PAK3: variants seen among roughly 807,000 people sequenced by gnomAD.
PAK3 encodes serine/threonine-protein kinase PAK 3.
In PAK3, 4 loss-of-function variants were observed where a neutral mutation model predicts 41.0. That is an observed-to-expected ratio of 0.10 (90% CI 0.05 to 0.22). The LOEUF (loss-of-function observed/expected upper bound fraction) is 0.22, where lower values mean the gene tolerates loss of function less well. PAK3 is among the 10% of genes least tolerant of loss of function. The probability of loss-of-function intolerance (pLI) is 1.00; values close to 1 mark genes in which losing one functional copy is unlikely to be tolerated. For missense variants in PAK3, 205 were observed against 409.9 expected (o/e 0.50, Z 4.32); for synonymous variants, 146 against 139.6 (o/e 1.05, Z -0.32).
intron 1 of PAK3, among the ~76,000 whole-genome samples, chrX:110,952,529 A>C (rs759836093): frequency 6.3e-5 from 7 of 110,754 alleles, no homozygotes; most frequent in Non-Finnish European, 1.3e-4. Context: ...GTGCCTTTAA[A>C]GTGAAGCTTC....
intron 1 of PAK3, among the ~76,000 whole-genome samples, chrX:111,072,502 T>C (rs1603108013): frequency 8.9e-6 from 1 of 112,512 alleles, no homozygotes; most frequent in East Asian, 2.8e-4. Flanking sequence ...AGTTTGTAAT[T>C]ATTAATGGTG....
chrX:111,119,884 CA>C (rs1358638522), intron 4 of PAK3, among the ~76,000 whole-genome samples: 8 of 112,023 alleles, frequency 7.1e-5, no homozygotes, highest in African/African-American at 2.6e-4. Context: ...GTTAAAATAC[CA>C]AGGACCTCCT....
chrX:111,045,435 A>C (rs1602988170), intron 1 of PAK3, among the ~76,000 whole-genome samples: 1 of 112,072 alleles, frequency 8.9e-6, no homozygotes, highest in African/African-American at 3.2e-5. Context: ...ATAATTTAGC[A>C]TATGGTTATG....
At chrX:111,115,552 A>G (rs1315071968) in intron 4 of PAK3, among the ~76,000 whole-genome samples, 2 of 111,284 alleles carry the variant, frequency 1.8e-5, no homozygotes, top group Admixed American at 9.6e-5. Flanking sequence ...AATAGATGTT[A>G]TTTCCTCTTC....
chrX:111,085,513 T>G (rs773896484), intron 1 of PAK3, among the ~76,000 whole-genome samples: 1 of 112,244 alleles, frequency 8.9e-6, no homozygotes, highest in Non-Finnish European at 1.9e-5. Context: ...GAGTCTTGCT[T>G]TAAAGTATGA....
intron 5 of PAK3, among the ~76,000 whole-genome samples, chrX:111,126,979 G>A (rs1489783927): frequency 9.0e-6 from 1 of 110,776 alleles, no homozygotes; most frequent in African/African-American, 3.3e-5. Flanking sequence ...ATAAAGATAA[G>A]CATATAGAAA....
chrX:111,038,963 A>T (rs1233461070), intron 1 of PAK3, among the ~76,000 whole-genome samples: 1 of 111,592 alleles, frequency 9.0e-6, no homozygotes, highest in East Asian at 2.8e-4. Flanking sequence ...AAGTACCAAG[A>T]GAGGATTGGA....
chrX:111,147,650 G>C, intron 6 of PAK3, 87 bp from the exon 7 acceptor site: 1 of 655,642 alleles, frequency 1.5e-6, no homozygotes, highest in South Asian at 2.2e-5. Context: ...GGTAGCATGG[G>C]CTTCTTGGTG....
chrX:111,151,528 A>G (rs1379643893), intron 7 of PAK3, among the ~76,000 whole-genome samples: 1 of 111,992 alleles, frequency 8.9e-6, no homozygotes, highest in African/African-American at 3.2e-5. Flanking sequence ...GAAAGGAGGT[A>G]GGGAGAGAAG....
At chrX:111,110,241 T>G (rs1189254597) in intron 4 of PAK3, among the ~76,000 whole-genome samples, 1 of 112,432 alleles carries the variant, frequency 8.9e-6, no homozygotes, top group Admixed American at 9.4e-5. Context: ...TATGTGATCC[T>G]CACAATCTAC....
intron 8 of PAK3, among the ~76,000 whole-genome samples, chrX:111,155,579 A>G (rs758827165): frequency 1.8e-5 from 2 of 110,924 alleles, no homozygotes; most frequent in South Asian, 7.9e-4. Flanking sequence ...ATTTCAGAGA[A>G]AGTAGATTGC....
chrX:111,091,828 T>A (rs181090635), upstream of PAK3, among the ~76,000 whole-genome samples: 1 of 112,091 alleles, frequency 8.9e-6, no homozygotes, highest in African/African-American at 3.2e-5. Flanking sequence ...TCCTAGCCAA[T>A]GCTGTGCACC....
chrX:111,116,078 G>T (rs933150227), intron 4 of PAK3, among the ~76,000 whole-genome samples: 4 of 110,994 alleles, frequency 3.6e-5, no homozygotes, highest in African/African-American at 1.3e-4. Context: ...CATAGTAACA[G>T]AGACAATCGA....
intron 11 of PAK3, among the ~76,000 whole-genome samples, chrX:111,175,862 G>T (rs1296355779): frequency 9.0e-6 from 1 of 111,675 alleles, no homozygotes; most frequent in East Asian, 2.8e-4. Context: ...GAGTCTCTTT[G>T]TACAGTCTTC....
At chrX:111,053,611 G>A (rs752553994) in intron 1 of PAK3, among the ~76,000 whole-genome samples, 1 of 110,924 alleles carries the variant, frequency 9.0e-6, no homozygotes, top group Admixed American at 9.6e-5. Flanking sequence ...GGAGACCTTC[G>A]GACCTGTCTA....
intron 1 of PAK3, among the ~76,000 whole-genome samples, chrX:110,989,645 T>C (rs763130488): frequency 2.7e-5 from 3 of 112,203 alleles, no homozygotes; most frequent in Admixed American, 1.9e-4. Context: ...GTGAGAAGCC[T>C]TGTAAATTGG....
At position 111,071,329 on chromosome X, in the gene PAK3, A is replaced by T. The variant is rs186440659; in HGVS notation, c.-27-51748A>T. Among the ~76,000 whole-genome samples, 16 of 112,245 alleles carry T rather than the reference A, an allele frequency of 1.4e-4. No individual in the cohort carries two copies. The East Asian group carries it at 4.5e-3, about 31-fold the overall frequency. ...TTTTCTCCACTATGAAACAGTGACC[A>T]CATAAGTAGCTGTGTTACCTAGGAA... On this transcript the variant is annotated intron_variant, in intron 1 of 14. Coordinates refer to the PAK3 transcript ENST00000425146.
intron 6 of PAK3, among the ~76,000 whole-genome samples, chrX:111,147,258 G>T (rs2093958905): frequency 8.9e-6 from 1 of 111,846 alleles, no homozygotes; most frequent in Admixed American, 9.5e-5. Context: ...ACCTGACCAA[G>T]GGTGATCCTT....
chrX:110,979,104 G>T (rs933927139), intron 1 of PAK3, among the ~76,000 whole-genome samples: 1 of 110,660 alleles, frequency 9.0e-6, no homozygotes, highest in Non-Finnish European at 1.9e-5. Context: ...AAATTAATGT[G>T]TATAGAATTG....
Sources: gnomAD v4.1 joint callset for allele counts (sites outside exome capture counted in the v4.1 genomes callset) on GRCh38, gnomAD v4.1.1 for gene constraint, MANE v1.5 for transcripts, NCBI Gene and HGNC (gene_info 2026-07-23, HGNC 2026-07-21) for gene names.